The following SLC25A24 variants were observed in gnomAD, a reference collection of about 807,000 sequenced individuals.
SLC25A24 encodes the protein solute carrier family 25 member 24.
A neutral mutation model predicts 60.7 loss-of-function variants in SLC25A24; 49 were observed. The observed-to-expected ratio is 0.81, with a 90% CI of 0.64 to 1.02. SLC25A24 has a LOEUF of 1.02. Ranked by LOEUF, SLC25A24 falls within the 50% of genes least tolerant of loss-of-function variation. SLC25A24 has a pLI of 0.00. For missense variants in SLC25A24, 564 were observed against 586.3 expected, an observed-to-expected ratio of 0.96 and a Z score of 0.39; for synonymous variants, 202 against 200.6, an observed-to-expected ratio of 1.01 and a Z score of -0.06.
At chr1:108,184,285 G>A (rs12047867) in intron 2 of SLC25A24, among the ~76,000 whole-genome samples, 71,128 of 152,034 alleles carry the variant, frequency 0.47, 16,828 homozygotes, top group Middle Eastern at 0.59. Flanking sequence ...GCTACTGCCT[G>A]CCATAGCAGC....
chr1:108,166,555 C>T lies in SLC25A24; in HGVS notation c.399-5262G>A, dbSNP rs1392754915. Among the ~76,000 whole-genome samples, 132 of 152,124 alleles carry T rather than the reference C, an allele frequency of 8.7e-4. 1 individual carries two copies. Among genetic ancestry groups the T allele is most frequent in the African/African-American group, 2.9e-3 (120 of 41,512 alleles). On this transcript the variant is annotated intron_variant, in intron 3 of 9. Coordinates refer to ENST00000565488, the MANE Select transcript of SLC25A24 (RefSeq NM_013386.5). ...TCATTTCATTCATTTCATCTTCCATCGCTGATACCCTTTCTTCCAGTTGAT... is the reference window on the plus strand; with the variant it reads ...TCATTTCATTCATTTCATCTTCCATTGCTGATACCCTTTCTTCCAGTTGAT...
intron 1 of SLC25A24, among the ~76,000 whole-genome samples, chr1:108,190,710 TCA>T (rs1571310896): frequency 7.9e-5 from 7 of 88,846 alleles, no homozygotes; most frequent in South Asian, 5.9e-4. Flanking sequence ...TTTTTTTTAA[TCA>T]GTTGAGTTTT....
chr1:108,156,719 T>G (rs1377441416), intron 5 of SLC25A24, among the ~76,000 whole-genome samples: 1 of 152,250 alleles, frequency 6.6e-6, no homozygotes, highest in African/African-American at 2.4e-5. Flanking sequence ...GCTTGATTCT[T>G]AAACCATTCT....
In SLC25A24 at chr1:108,143,636, C is replaced by T. The variant is rs766934699; in HGVS notation, c.1005G>A (p.Leu335=). The T allele has an allele frequency of 1.9e-6, 3 of 1,613,704 alleles. No individual in the cohort carries two copies. Among genetic ancestry groups the T allele is most frequent in the Non-Finnish European group, 2.5e-6 (3 of 1,179,808 alleles). The change falls in exon 8 of 10, where the codon TTG becomes TTA. Residue 335 remains leucine (L), a synonymous_variant. Coordinates refer to ENST00000565488, the MANE Select transcript of SLC25A24 (RefSeq NM_013386.5). ...SGIYDCAKKI[L]KHEGLGAFYK... Reference sequence around the variant, plus strand: ...AAAAAGCTCCCAAGCCTTCATGTTTCAAAATCTTCTTGGCACAATCATATA... The same window carrying T: ...AAAAAGCTCCCAAGCCTTCATGTTTTAAAATCTTCTTGGCACAATCATATA...
chr1:108,149,080 G>T (rs1354821940), intron 6 of SLC25A24, among the ~76,000 whole-genome samples: 1 of 152,070 alleles, frequency 6.6e-6, no homozygotes, highest in Non-Finnish European at 1.5e-5. Context: ...ACAATGTTTG[G>T]ATATTTTCCC....
intron 5 of SLC25A24, 60 bp from the exon 6 acceptor site, chr1:108,155,195 G>A (rs2101611727): frequency 4.9e-6 from 7 of 1,438,546 alleles, no homozygotes; most frequent in East Asian, 2.4e-5. Context: ...ACTTTTTCTA[G>A]AACAACCACA....
intron 8 of SLC25A24, among the ~76,000 whole-genome samples, chr1:108,140,901 A>G (rs1309150573): frequency 6.6e-6 from 1 of 152,106 alleles, no homozygotes; most frequent in African/African-American, 2.4e-5. Flanking sequence ...GGACAAAGAT[A>G]AAAAGGTAGC....
intron 3 of SLC25A24, among the ~76,000 whole-genome samples, chr1:108,175,878 C>T (rs1647658379): frequency 6.6e-6 from 1 of 152,002 alleles, no homozygotes; most frequent in Admixed American, 6.5e-5. Context: ...TCTAGACAGG[C>T]TGACTGTTGA....
chr1:108,145,528 G>T (rs1047017632), intron 7 of SLC25A24, among the ~76,000 whole-genome samples: 7 of 151,936 alleles, frequency 4.6e-5, no homozygotes, highest in Admixed American at 2.0e-4. Context: ...TTTTTTCTAG[G>T]GATTTTATAG....
At chr1:108,152,233 G>A (rs980757249) in intron 6 of SLC25A24, among the ~76,000 whole-genome samples, 5 of 151,958 alleles carry the variant, frequency 3.3e-5, no homozygotes, top group Admixed American at 6.6e-5. Context: ...TTATCTTTCC[G>A]GAAACACACT....
intron 6 of SLC25A24, among the ~76,000 whole-genome samples, chr1:108,152,546 G>C (rs1221938356): frequency 6.6e-6 from 1 of 152,066 alleles, no homozygotes; most frequent in East Asian, 1.9e-4. Flanking sequence ...TTGTAGAAAT[G>C]GGGTTTTGCC....
chr1:108,166,537 ATTCAT>A (rs1324632297), intron 3 of SLC25A24, among the ~76,000 whole-genome samples: 2 of 151,918 alleles, frequency 1.3e-5, no homozygotes, highest in Admixed American at 6.5e-5. Flanking sequence ...GCTTCATTTC[ATTCAT>A]TTCATCTTCC....
At chr1:108,186,195 A>G (rs148564204) in intron 1 of SLC25A24, among the ~76,000 whole-genome samples, 3 of 152,334 alleles carry the variant, frequency 2.0e-5, no homozygotes, top group East Asian at 1.9e-4. Flanking sequence ...TTTTTATAAA[A>G]CATGACATTT....
At chr1:108,143,745 T>C (rs747082049) in intron 7 of SLC25A24, 35 bp from the exon 8 acceptor site, 4 of 1,513,874 alleles carry the variant, frequency 2.6e-6, no homozygotes, top group Non-Finnish European at 3.6e-6. Flanking sequence ...TGATTGTTCA[T>C]ATTAACTCTA....
intron 1 of SLC25A24, among the ~76,000 whole-genome samples, chr1:108,195,807 T>C (rs1000747166): frequency 1.3e-5 from 2 of 152,154 alleles, no homozygotes; most frequent in African/African-American, 4.8e-5. Context: ...AAGACCAGCC[T>C]GACCAAAATG....
chr1:108,161,277 TC>T lies in SLC25A24; in HGVS notation c.414del (p.Thr139GlnfsTer2). ...ELILQSIDVD[G>X]TMTVDWNEWR... Reference sequence around the variant, plus strand: ...CATTCATTCCAGTCCACTGTCATTGTCCCATCAACATCAATGCTGAAATTTT... The same window carrying T: ...CATTCATTCCAGTCCACTGTCATTGTCCATCAACATCAATGCTGAAATTTT... On this transcript the variant is annotated frameshift_variant, in exon 4 of 10. Coordinates refer to ENST00000565488, the MANE Select transcript of SLC25A24 (RefSeq NM_013386.5). LOFTEE classifies it high-confidence loss of function. 6.3e-7 allele frequency: 1 copy of T among 1,579,186 alleles called. No individual in the cohort carries two copies. Among genetic ancestry groups the T allele is most frequent in the Non-Finnish European group, 8.7e-7 (1 of 1,151,286 alleles).
intron 3 of SLC25A24, among the ~76,000 whole-genome samples, chr1:108,168,399 C>A (rs1223225763): frequency 2.6e-5 from 4 of 152,122 alleles, no homozygotes; most frequent in Non-Finnish European, 5.9e-5. Context: ...GCATCCTCCA[C>A]AAGGCAAGGA....
At chr1:108,144,796 T>C (rs1430149487) in intron 7 of SLC25A24, among the ~76,000 whole-genome samples, 1 of 152,250 alleles carries the variant, frequency 6.6e-6, no homozygotes, top group African/African-American at 2.4e-5. Flanking sequence ...TTCCATGGTG[T>C]ATATGTGCCA....
chr1:108,187,387 C>T (rs1216333801), intron 1 of SLC25A24, among the ~76,000 whole-genome samples: 2 of 152,034 alleles, frequency 1.3e-5, no homozygotes, highest in Non-Finnish European at 2.9e-5. Flanking sequence ...GGAGGATTAA[C>T]AAAGCCAAAA....
Sources: allele counts gnomAD v4.1 joint callset (sites outside exome capture counted in the v4.1 genomes callset), GRCh38; gene constraint gnomAD v4.1.1; transcripts MANE v1.5; gene names NCBI Gene and HGNC (gene_info 2026-07-23, HGNC 2026-07-21).